Variants in NLN observed in about 807,000 individuals in gnomAD.
The protein encoded by NLN is neurolysin, also known as neurolysin, mitochondrial.
A neutral mutation model predicts 79.9 loss-of-function variants in NLN; 64 were observed. That is an observed-to-expected ratio of 0.80 (90% confidence interval 0.65 to 0.99). The LOEUF is 0.99. NLN is among the 50% of genes least tolerant of loss of function. The pLI is 0.00. For synonymous variants in NLN, 267 were observed against 296.6 expected (o/e 0.90, Z 1.02); for missense variants, 835 against 858.7 (o/e 0.97, Z 0.34).
chr5:65,732,421 G>A (rs1156836892), intron 1 of NLN, among the ~76,000 whole-genome samples: 2 of 141,028 alleles, frequency 1.4e-5, no homozygotes, highest in Non-Finnish European at 3.1e-5. Flanking sequence ...TCATATAGAG[G>A]AGAGTATGAA....
At chr5:65,765,046 G>A (rs899643382) in intron 3 of NLN, among the ~76,000 whole-genome samples, 5 of 152,150 alleles carry the variant, frequency 3.3e-5, no homozygotes, top group African/African-American at 1.2e-4. Context: ...TTTTCTCTGT[G>A]ATACTGTAAG....
rs1237524494 is a variant in NLN, at chr5:65,780,243, A to C, written c.623A>C (p.Glu208Ala). The change falls in exon 5 of 13, where the codon GAG becomes GCG. Residue 208 changes from glutamate to alanine, a missense_variant. Transcript: ENST00000380985. Reference sequence around the variant, plus strand: ...ATTGATTTTAACAAAAACCTCAATGAGGATGATACCTTCCTTGTATTTTCC... The same window carrying C: ...ATTGATTTTAACAAAAACCTCAATGCGGATGATACCTTCCTTGTATTTTCC... ...LCIDFNKNLN[E>A]DDTFLVFSKA... is the part of the protein sequence containing the mutation. 7 of 1,480,324 alleles carry C rather than the reference A, an allele frequency of 4.7e-6. No homozygotes were observed. The highest frequency in any genetic ancestry group is 6.5e-6 in the Non-Finnish European group (7 of 1,069,532). 91.7% of individuals were successfully genotyped at this position (1,480,324 alleles called of 1,614,324 possible).
chr5:65,722,480 G>T, intron 1 of NLN, 66 bp downstream of exon 1: 1 of 1,428,016 alleles, frequency 7.0e-7, no homozygotes. Flanking sequence ...TGTGGTGCCT[G>T]GAGCCCGGAC....
At chr5:65,819,949 G>A (rs186132480) in intron 12 of NLN, among the ~76,000 whole-genome samples, 2 of 152,226 alleles carry the variant, frequency 1.3e-5, no homozygotes, top group East Asian at 1.9e-4. Context: ...CCATTGCTCT[G>A]TAATTCAGGA....
In NLN at chr5:65,811,111, T is replaced by G. The variant is rs202180609; in HGVS notation, c.1843+946T>G. Among the ~76,000 whole-genome samples, 71 of 152,340 alleles carry G rather than the reference T, an allele frequency of 4.7e-4. 1 individual carries two copies. The East Asian group carries it at 0.013, about 28-fold the overall frequency. ...GACTCATGCATGGGCGTGTTTATAT[T>G]TGTATGTGTATGTTTTAAGCCAATA... On this transcript the variant is annotated intron_variant, in intron 11 of 12. Transcript: ENST00000380985.
chr5:65,798,176 A>G (rs1760209160), intron 9 of NLN, among the ~76,000 whole-genome samples: 1 of 152,200 alleles, frequency 6.6e-6, no homozygotes, highest in Non-Finnish European at 1.5e-5. Context: ...GTGCCAGGAA[A>G]TATACACACT....
chr5:65,821,739 A>T (rs140986445), intron 12 of NLN, among the ~76,000 whole-genome samples: 2 of 152,166 alleles, frequency 1.3e-5, no homozygotes, highest in Non-Finnish European at 2.9e-5. Flanking sequence ...ATAAGCTGCA[A>T]ATGATTTCTA....
At chr5:65,785,605 CAAAA>C (rs111882029) in intron 6 of NLN, among the ~76,000 whole-genome samples, 166 bp from the exon 7 acceptor site, 2 of 76,910 alleles carry the variant, frequency 2.6e-5, no homozygotes, top group Non-Finnish European at 3.3e-5. Context: ...ATCATGAATC[CAAAA>C]AAAAAAAAAA....
intron 1 of NLN, among the ~76,000 whole-genome samples, chr5:65,745,824 T>C (rs1561183636): frequency 6.6e-6 from 1 of 152,316 alleles, no homozygotes; most frequent in East Asian, 1.9e-4. Context: ...ATGATTACTC[T>C]GCAGGCAATC....
At chr5:65,753,993 A>G (rs1022075105) in intron 1 of NLN, among the ~76,000 whole-genome samples, 3 of 152,036 alleles carry the variant, frequency 2.0e-5, no homozygotes. Flanking sequence ...AGTATGTGAG[A>G]CCCTCTACTC....
Position 65,807,589 on chromosome 5 carries a change from C to T in NLN, c.1528-1926C>T, listed in dbSNP as rs369735935. 3.5e-4 allele frequency among the ~76,000 whole-genome samples: 53 copies of T among 151,928 alleles called. 1 individual carries two copies. Among genetic ancestry groups the T allele is most frequent in the African/African-American group, 1.2e-3 (48 of 41,448 alleles). On this transcript the variant is annotated intron_variant, in intron 9 of 12. Coordinates refer to ENST00000380985, the MANE Select transcript of NLN (RefSeq NM_020726.5). ...CTGAGTAGCTGGGATTACAGGTGCC[C>T]GCCACCATGCCTGGCTAATTTTTGT...
chr5:65,765,827 A>G (rs1049770178), intron 3 of NLN, among the ~76,000 whole-genome samples: 3 of 152,236 alleles, frequency 2.0e-5, no homozygotes, highest in Non-Finnish European at 2.9e-5. Context: ...GATGCTCTGA[A>G]TAATATTCCC....
chr5:65,743,595 C>A (rs949736123), intron 1 of NLN, among the ~76,000 whole-genome samples: 1 of 152,144 alleles, frequency 6.6e-6, no homozygotes, highest in African/African-American at 2.4e-5. Context: ...GAACTGAGTT[C>A]TAAGGTTATG....
chr5:65,731,220 GA>G (rs1758599097), intron 1 of NLN, among the ~76,000 whole-genome samples: 1 of 152,232 alleles, frequency 6.6e-6, no homozygotes, highest in Non-Finnish European at 1.5e-5. Context: ...TTCCATGAGA[GA>G]GTGGAAGGCA....
At chr5:65,773,434 T>C (rs1196096720) in intron 3 of NLN, among the ~76,000 whole-genome samples, 1 of 152,022 alleles carries the variant, frequency 6.6e-6, no homozygotes, top group Non-Finnish European at 1.5e-5. Flanking sequence ...TGCCCAGCCC[T>C]GAATTCATTT....
intron 12 of NLN, 87 bp downstream of exon 12, chr5:65,812,478 T>C (rs1274475416): frequency 2.2e-6 from 2 of 898,398 alleles, no homozygotes; most frequent in Admixed American, 2.3e-5. Context: ...CACATCTAGA[T>C]TTTACTGTAA....
At chr5:65,776,872 C>T (rs187005519) in intron 3 of NLN, among the ~76,000 whole-genome samples, 54 of 152,302 alleles carry the variant, frequency 3.5e-4, no homozygotes, top group Non-Finnish European at 6.0e-4. Context: ...GCTGTAGTCC[C>T]TTGATCTCTC....
intron 6 of NLN, among the ~76,000 whole-genome samples, chr5:65,782,881 C>CT (rs1561199864): frequency 6.6e-6 from 1 of 152,190 alleles, no homozygotes; most frequent in African/African-American, 2.4e-5. Context: ...GGCCTGCTGT[C>CT]TGAGTTATGG....
rs994527960 is a variant in NLN, at chr5:65,763,202, T to C, written c.450+94T>C. On this transcript the variant is annotated intron_variant, in intron 3 of 12. Coordinates refer to ENST00000380985, the MANE Select transcript of NLN (RefSeq NM_020726.5). ...ATAAAACATACTGACTGGATTTTCT[T>C]AGCTTTTGTTTCGAATGATTATAAA... The C allele has an allele frequency of 6.5e-6, 7 of 1,077,892 alleles. No homozygotes were observed. In the African/African-American group the frequency reaches 1.1e-4, roughly 17 times the overall value. The allele number at this position is 1,077,892 out of a possible 1,614,324, so 66.8% of individuals were successfully genotyped here. A position where few individuals can be genotyped will look rare whatever the true frequency, so the allele number is the denominator to read the frequency against.
Sources: allele counts gnomAD v4.1 joint callset (sites outside exome capture counted in the v4.1 genomes callset), GRCh38; gene constraint gnomAD v4.1.1; transcripts MANE v1.5; gene names NCBI Gene and HGNC (gene_info 2026-07-23, HGNC 2026-07-21).